Variants in ZNRF3 observed in about 807,000 individuals in gnomAD.
The protein encoded by ZNRF3 is E3 ubiquitin-protein ligase ZNRF3.
Under a neutral mutation model 72.5 loss-of-function variants are expected in ZNRF3, and 23 were observed. The observed-to-expected ratio is 0.32, with a 90% CI of 0.23 to 0.45. The LOEUF (loss-of-function observed/expected upper bound fraction) is 0.45. Among genes scored for constraint, ZNRF3 ranks in the 20% least tolerant of loss-of-function variants. The pLI is 1.00. For missense variants in ZNRF3, 1,169 were observed against 1,272.1 expected (o/e 0.92, Z 1.23); for synonymous variants, 610 against 545.3 (o/e 1.12, Z -1.65).
chr22:29,046,865 G>A lies in ZNRF3; in HGVS notation c.894G>A (p.Glu298=), dbSNP rs2123884865. The A allele has an allele frequency of 6.3e-7, 1 of 1,590,512 alleles. No homozygotes were observed. The highest frequency in any genetic ancestry group is 8.6e-7 in the Non-Finnish European group (1 of 1,166,710). ...SSTSDCAICL[E]KYIDGEELRV... is the part of the protein sequence containing the mutation. ...CGTCCGACTGTGCCATCTGTCTGGA[G>A]AAGTACATTGATGGAGAGGTAATGG... Residue 298 remains glutamate (E), a synonymous_variant, in exon 6 of 9, where the codon GAG becomes GAA. Coordinates refer to ENST00000544604, the MANE Select transcript of ZNRF3 (RefSeq NM_001206998.2).
At chr22:28,927,392 AAAAC>A (rs368292568) in intron 1 of ZNRF3, among the ~76,000 whole-genome samples, 10 of 152,312 alleles carry the variant, frequency 6.6e-5, no homozygotes, top group East Asian at 5.8e-4. Context: ...TGTCTCTACC[AAAAC>A]AAACAAACAA....
At chr22:28,899,103 A>G (rs1269981804) in intron 1 of ZNRF3, among the ~76,000 whole-genome samples, 1 of 152,110 alleles carries the variant, frequency 6.6e-6, no homozygotes, top group African/African-American at 2.4e-5. Flanking sequence ...AATGCCCATC[A>G]ATAAATGTCA....
chr22:28,901,757 C>T (rs2034109219), intron 1 of ZNRF3, among the ~76,000 whole-genome samples: 1 of 146,034 alleles, frequency 6.8e-6, no homozygotes, highest in African/African-American at 2.7e-5. Flanking sequence ...TCTCCTGCTT[C>T]AGTCTCCTGA....
At chr22:28,988,030 T>C (rs1049199609) in intron 2 of ZNRF3, among the ~76,000 whole-genome samples, 1 of 152,182 alleles carries the variant, frequency 6.6e-6, no homozygotes, top group African/African-American at 2.4e-5. Context: ...CAGTATAAGA[T>C]AGAAATAAAT....
At chr22:29,001,626 C>A (rs2036150056) in intron 2 of ZNRF3, among the ~76,000 whole-genome samples, 2 of 152,156 alleles carry the variant, frequency 1.3e-5, no homozygotes, top group South Asian at 4.1e-4. Flanking sequence ...CACACGCCAT[C>A]ACGCCCAGCT....
intron 2 of ZNRF3, among the ~76,000 whole-genome samples, chr22:29,014,488 A>G (rs866884775): frequency 9.9e-5 from 15 of 152,058 alleles, no homozygotes; most frequent in South Asian, 8.3e-4. Context: ...CTTACACACC[A>G]TCTCCCTGCC....
chr22:29,010,461 C>T (rs543631712), intron 2 of ZNRF3, among the ~76,000 whole-genome samples: 125 of 152,272 alleles, frequency 8.2e-4, no homozygotes, highest in African/African-American at 3.0e-3. Flanking sequence ...ATATATATCC[C>T]ATTGTATCTA....
chr22:28,887,235 AGTGTGTGTGTGTGTGTGT>A (rs1179478685), intron 1 of ZNRF3, among the ~76,000 whole-genome samples: 6 of 93,092 alleles, frequency 6.4e-5, no homozygotes, highest in Non-Finnish European at 1.4e-4. Flanking sequence ...AGAGAGAGAG[AGTGTGTGTGTGTGTGTGT>A]GTGTGTGTGT....
At chr22:29,007,601 C>T (rs2036278093) in intron 2 of ZNRF3, among the ~76,000 whole-genome samples, 2 of 152,194 alleles carry the variant, frequency 1.3e-5, no homozygotes, top group South Asian at 4.2e-4. Flanking sequence ...CCATTGCACT[C>T]CAGCCTGGGG....
At chr22:28,955,245 G>A (rs767856358) in intron 1 of ZNRF3, among the ~76,000 whole-genome samples, 11 of 151,920 alleles carry the variant, frequency 7.2e-5, no homozygotes, top group Admixed American at 2.0e-4. Context: ...GTCTTGGTGT[G>A]TTGCCCAGGC....
In ZNRF3 at chr22:29,043,354, C is replaced by T; in HGVS notation, c.557C>T (p.Ala186Val). Residue 186 changes from alanine (A) to valine (V), a missense_variant, in exon 4 of 9, where the codon GCA (alanine) becomes GTA (valine). By Grantham distance (64) the Ala-to-Val change is moderately conservative (BLOSUM62 0). Transcript: ENST00000544604. ...LKRPVVYVKGADAIKLMNIVN... is the reference protein window; with the variant it reads ...LKRPVVYVKGVDAIKLMNIVN... ...AGGCCGGTGGTGTATGTGAAGGGTG[C>T]AGATGCCATTAAGCTGATGAACATC... 1 of 1,613,980 alleles carries T rather than the reference C, an allele frequency of 6.2e-7. No individual in the cohort carries two copies. The highest frequency in any genetic ancestry group is 8.5e-7 in the Non-Finnish European group (1 of 1,180,008).
At chr22:29,013,203 G>A (rs1163487383) in intron 2 of ZNRF3, among the ~76,000 whole-genome samples, 1 of 152,128 alleles carries the variant, frequency 6.6e-6, no homozygotes, top group Non-Finnish European at 1.5e-5. Flanking sequence ...AGCTTTCAGG[G>A]AATCCCAAGA....
chr22:28,984,572 T>C (rs1277639184), intron 1 of ZNRF3, among the ~76,000 whole-genome samples: 3 of 152,204 alleles, frequency 2.0e-5, no homozygotes, highest in Non-Finnish European at 4.4e-5. Context: ...CTCCAAGTTG[T>C]GTGGCCAGGT....
intron 2 of ZNRF3, among the ~76,000 whole-genome samples, chr22:28,991,770 G>A (rs969663130): frequency 6.6e-6 from 1 of 152,138 alleles, no homozygotes; most frequent in Non-Finnish European, 1.5e-5. Flanking sequence ...GCCAAGATCT[G>A]AAATAAGACC....
intron 1 of ZNRF3, among the ~76,000 whole-genome samples, chr22:28,960,129 G>T (rs1479225251): frequency 6.6e-6 from 1 of 152,200 alleles, no homozygotes; most frequent in Non-Finnish European, 1.5e-5. Flanking sequence ...AAGGTGTTCT[G>T]TGAAGTTCAT....
At chr22:29,001,498 G>A (rs2036146419) in intron 2 of ZNRF3, among the ~76,000 whole-genome samples, 1 of 141,658 alleles carries the variant, frequency 7.1e-6, no homozygotes, top group Non-Finnish European at 1.5e-5. Context: ...TTGAGATGGA[G>A]TCTCGCTCTG....
rs1198033123 is a variant in ZNRF3 at position 29,049,883 on chromosome 22, G to C, written c.1702G>C (p.Val568Leu). 4 of 1,604,314 alleles carry C rather than the reference G, an allele frequency of 2.5e-6. 1 individual carries two copies. The highest frequency in any genetic ancestry group is 1.7e-5 in the Admixed American group (1 of 59,342). Residue 568 changes from valine to leucine, a missense_variant, in exon 8 of 9, where the codon GTG becomes CTG. This residue lies in a region of ZNRF3 where 783 missense variants were observed against 731.4 expected (regional missense o/e 1.07). Coordinates refer to ENST00000544604, the MANE Select transcript of ZNRF3 (RefSeq NM_001206998.2). This position sits in a 1 kb window ranked among gnomAD's most constrained non-coding sequence, Gnocchi z 5.2. Reference protein sequence around the residue: ...GQCHCSSSDSVVDCTEVSNQG... With the variant: ...GQCHCSSSDSLVDCTEVSNQG... ...GTGCCACTGTTCCTCCAGTGACTCT[G>C]TGGTAGACTGCACTGAGGTCAGCAA...
intron 1 of ZNRF3, among the ~76,000 whole-genome samples, chr22:28,949,631 A>G (rs890567010): frequency 5.9e-5 from 9 of 152,206 alleles, no homozygotes; most frequent in Non-Finnish European, 1.0e-4. Context: ...GGATTCTGTC[A>G]GACTCATAGT....
chr22:29,052,448 A>C (rs963983447), intron 8 of ZNRF3, among the ~76,000 whole-genome samples: 5 of 150,918 alleles, frequency 3.3e-5, no homozygotes, highest in African/African-American at 1.2e-4. Flanking sequence ...TAATCCCAGC[A>C]CTTTGGGAGG....
Sources: allele counts gnomAD v4.1 joint callset (sites outside exome capture counted in the v4.1 genomes callset), GRCh38; gene constraint gnomAD v4.1.1; regional missense constraint gnomAD v4.1.1; non-coding constraint Gnocchi (gnomAD v3.1); transcripts MANE v1.5; gene names NCBI Gene and HGNC (gene_info 2026-07-23, HGNC 2026-07-21).